MGAT4C: variants seen among roughly 807,000 people sequenced by gnomAD.
The protein encoded by MGAT4C is alpha-1,3-mannosyl-glycoprotein 4-beta-N-acetylglucosaminyltransferase C.
Under a neutral mutation model 40.1 loss-of-function variants are expected in MGAT4C, and 19 were observed. The ratio of observed to expected loss-of-function variants is 0.47; its 90% CI spans 0.33 to 0.70. The LOEUF (loss-of-function observed/expected upper bound fraction) is 0.70, where lower values mean the gene tolerates loss of function less well. Among genes scored for constraint, MGAT4C ranks in the 30% least tolerant of loss-of-function variants. The pLI is 0.02. For missense variants in MGAT4C, 491 were observed against 563.2 expected, an observed-to-expected ratio of 0.87 and a Z score of 1.30; for synonymous variants, 181 against 187.1, an observed-to-expected ratio of 0.97 and a Z score of 0.27.
intron 2 of MGAT4C, among the ~76,000 whole-genome samples, chr12:86,537,455 C>T (rs1592963328): frequency 6.6e-6 from 1 of 151,222 alleles, no homozygotes. Flanking sequence ...AAATGATACA[C>T]AGTATTGATA....
chr12:86,830,864 A>T (rs1351411808), intron 1 of MGAT4C, among the ~76,000 whole-genome samples: 1 of 151,842 alleles, frequency 6.6e-6, no homozygotes, highest in African/African-American at 2.4e-5. Flanking sequence ...GCCCCACTCT[A>T]CATTTCCAAA....
chr12:86,088,620 A>G (rs1872338018), intron 1 of MGAT4C, among the ~76,000 whole-genome samples: 1 of 152,016 alleles, frequency 6.6e-6, no homozygotes, highest in Non-Finnish European at 1.5e-5. Context: ...CAACAAGCAT[A>G]TGGGAAAATG....
chr12:86,405,889 C>T (rs1030472380), intron 3 of MGAT4C, among the ~76,000 whole-genome samples: 4 of 140,408 alleles, frequency 2.8e-5, no homozygotes, highest in African/African-American at 1.1e-4. Context: ...GGTGCTGAAA[C>T]AACTGGACAT....
At position 85,960,747 on chromosome 12, in the gene MGAT4C, C is replaced by T. The variant is rs1231139407; in HGVS notation, c.*18542G>A. The T allele has an allele frequency of 6.6e-6, 1 of 151,664 alleles. No individual in the cohort carries two copies. The highest frequency in any genetic ancestry group is 1.5e-5 in the Non-Finnish European group (1 of 67,808). 9.4% of individuals were successfully genotyped at this position (151,664 alleles called of 1,614,324 possible). ...ATAATTTTTGTTTATTTGGATATAA[C>T]GTGAATGGGCCCATACCATAAACTC... On this transcript the variant is annotated 3_prime_UTR_variant, in exon 5 of 5. Transcript: ENST00000611864.
rs575004985 is a variant in MGAT4C, at chr12:86,833,351, AT to A, written c.-262+5314del. Among the ~76,000 whole-genome samples the A allele has an allele frequency of 2.0e-3, 305 of 152,030 alleles. 4 individuals are homozygous for A. The highest frequency in any genetic ancestry group is 0.017 in the Admixed American group (256 of 15,224). On this transcript the variant is annotated intron_variant, in intron 1 of 7. Coordinates refer to the MGAT4C transcript ENST00000548651. ...CTTATGTGGCCTACAAAGTCAAAACATTTATTGTATTACTTTGCTAGGACGG... is the reference window on the plus strand; with the variant it reads ...CTTATGTGGCCTACAAAGTCAAAACATTATTGTATTACTTTGCTAGGACGG...
chr12:86,649,851 T>C (rs141197277), intron 2 of MGAT4C, among the ~76,000 whole-genome samples: 6 of 152,050 alleles, frequency 3.9e-5, no homozygotes, highest in African/African-American at 1.2e-4. Context: ...TTTTGAGTCA[T>C]ATATTTAAAA....
intron 2 of MGAT4C, among the ~76,000 whole-genome samples, chr12:86,600,410 C>A (rs1241529318): frequency 6.6e-6 from 1 of 152,132 alleles, no homozygotes; most frequent in African/African-American, 2.4e-5. Context: ...TAAACAAGGA[C>A]ATGATGTGAT....
At chr12:86,297,060 G>A (rs762151387) in intron 4 of MGAT4C, among the ~76,000 whole-genome samples, 2 of 152,184 alleles carry the variant, frequency 1.3e-5, no homozygotes, top group Non-Finnish European at 2.9e-5. Context: ...TATTTCCCTA[G>A]TGAAGTAAAG....
At chr12:86,357,108 C>T (rs1214133392) in intron 3 of MGAT4C, among the ~76,000 whole-genome samples, 2 of 152,098 alleles carry the variant, frequency 1.3e-5, no homozygotes, top group African/African-American at 4.8e-5. Flanking sequence ...GGCTGGGTGC[C>T]CCTCTTTGAA....
At chr12:86,656,163 G>A (rs1963845285) in intron 2 of MGAT4C, among the ~76,000 whole-genome samples, 1 of 151,812 alleles carries the variant, frequency 6.6e-6, no homozygotes, top group Non-Finnish European at 1.5e-5. Flanking sequence ...GAAAAATTTA[G>A]TACCATAGTA....
chr12:86,753,740 GA>G (rs1440636899), intron 1 of MGAT4C, among the ~76,000 whole-genome samples: 1 of 151,970 alleles, frequency 6.6e-6, no homozygotes, highest in African/African-American at 2.4e-5. Context: ...GATATGAATA[GA>G]AAATAGGTGG....
chr12:86,362,643 G>A (rs1201440926), intron 3 of MGAT4C, among the ~76,000 whole-genome samples: 5 of 151,922 alleles, frequency 3.3e-5, no homozygotes, highest in Non-Finnish European at 7.4e-5. Flanking sequence ...AAGAATGTGA[G>A]GGTGCGAGGT....
At chr12:85,993,878 A>C (rs1057499770) in intron 2 of MGAT4C, among the ~76,000 whole-genome samples, 1 of 152,176 alleles carries the variant, frequency 6.6e-6, no homozygotes, top group African/African-American at 2.4e-5. Context: ...AGACAGCAGG[A>C]GGAGGCCAGG....
intron 4 of MGAT4C, among the ~76,000 whole-genome samples, chr12:86,331,570 G>T (rs1447876580): frequency 1.3e-5 from 2 of 152,056 alleles, no homozygotes; most frequent in African/African-American, 4.8e-5. Flanking sequence ...CCAGTTTCTG[G>T]TGTTTCTATC....
intron 4 of MGAT4C, among the ~76,000 whole-genome samples, chr12:86,333,334 C>G (rs1414159748): frequency 6.6e-6 from 1 of 152,192 alleles, no homozygotes; most frequent in African/African-American, 2.4e-5. Flanking sequence ...AAACTATCTT[C>G]CAGTTGAAAA....
chr12:86,068,934 A>G (rs1304899950), intron 1 of MGAT4C, among the ~76,000 whole-genome samples: 1 of 152,076 alleles, frequency 6.6e-6, no homozygotes, highest in Non-Finnish European at 1.5e-5. Flanking sequence ...GTTGGTTGAT[A>G]ATATAGTATT....
intron 2 of MGAT4C, among the ~76,000 whole-genome samples, chr12:86,608,787 T>G (rs1449616214): frequency 6.6e-6 from 1 of 152,030 alleles, no homozygotes. Flanking sequence ...GAAATGTGCA[T>G]AAGATGTCTA....
chr12:86,750,791 C>T (rs925472726), intron 1 of MGAT4C, among the ~76,000 whole-genome samples: 3 of 151,844 alleles, frequency 2.0e-5, no homozygotes, highest in Non-Finnish European at 4.4e-5. Flanking sequence ...TTTTATTTTA[C>T]CAACTCTAGT....
chr12:86,500,349 AAG>A (rs1035584962), intron 2 of MGAT4C, among the ~76,000 whole-genome samples: 4 of 151,816 alleles, frequency 2.6e-5, no homozygotes, highest in Non-Finnish European at 5.9e-5. Flanking sequence ...CCCAAAGAGA[AAG>A]AGAGAGAGGA....
Sources: gnomAD v4.1 joint callset for allele counts (sites outside exome capture counted in the v4.1 genomes callset) on GRCh38, gnomAD v4.1.1 for gene constraint, MANE v1.5 for transcripts, NCBI Gene and HGNC (gene_info 2026-07-23, HGNC 2026-07-21) for gene names.